The following NFAT5 variants were observed in gnomAD, a reference collection of about 807,000 sequenced individuals.
The protein encoded by NFAT5 is nuclear factor of activated T-cells 5.
NFAT5 carries 31 observed loss-of-function variants against 166.5 expected under a neutral mutation model. The observed-to-expected ratio is 0.19, with a 90% CI of 0.14 to 0.25. The LOEUF (loss-of-function observed/expected upper bound fraction) is 0.25. Among genes scored for constraint, NFAT5 ranks in the 10% least tolerant of loss-of-function variants. The pLI is 1.00. For missense variants in NFAT5, 1,449 were observed against 1,821.8 expected (o/e 0.80, Z 3.72); for synonymous variants, 612 against 639.7 (o/e 0.96, Z 0.65).
In NFAT5 at chr16:69,684,997, C is replaced by T. The variant is rs759664417; in HGVS notation, c.1774+27C>T. 3.0e-5 allele frequency: 46 copies of T among 1,520,202 alleles called. No individual in the cohort carries two copies. The Admixed American group carries it at 7.1e-4, about 23-fold the overall frequency. The allele number at this position is 1,520,202 out of a possible 1,614,324, so 94.2% of individuals were successfully genotyped here. ...TACCAAGTAAATTCTTCTCAAAAAT[C>T]GTAATTGGGTGCTCCTGTATGTTTT... On this transcript the variant is annotated intron_variant, in intron 11 of 14. Transcript: ENST00000349945.
chr16:69,653,149 C>T, intron 4 of NFAT5, 87 bp from the exon 5 acceptor site: 1 of 876,018 alleles, frequency 1.1e-6, no homozygotes. Context: ...ATTGCCAGTT[C>T]TGTTTCTTCC....
chr16:69,641,786 A>G (rs963053418), intron 3 of NFAT5, among the ~76,000 whole-genome samples: 2 of 152,152 alleles, frequency 1.3e-5, no homozygotes, highest in Non-Finnish European at 2.9e-5. Context: ...ATGGGTTTCT[A>G]TAAATGGTAT....
intron 7 of NFAT5, among the ~76,000 whole-genome samples, chr16:69,663,639 G>A (rs2036243592): frequency 6.6e-6 from 1 of 151,626 alleles, no homozygotes; most frequent in African/African-American, 2.4e-5. Context: ...GGAGGGCGAG[G>A]TAGGAAGATT....
intron 1 of NFAT5, among the ~76,000 whole-genome samples, chr16:69,568,028 G>C (rs2016179882): frequency 6.6e-6 from 1 of 152,174 alleles, no homozygotes; most frequent in African/African-American, 2.4e-5. Flanking sequence ...ATACACTGCA[G>C]TTGGCCGGGC....
chr16:69,585,366 G>C (rs2031989061), intron 2 of NFAT5, among the ~76,000 whole-genome samples: 1 of 151,478 alleles, frequency 6.6e-6, no homozygotes, highest in African/African-American at 2.4e-5. Flanking sequence ...TTTTCTTCAT[G>C]CATTGCTGGT....
At chr16:69,694,492 TG>T (rs1398643319) in intron 13 of NFAT5, among the ~76,000 whole-genome samples, 2 of 152,180 alleles carry the variant, frequency 1.3e-5, no homozygotes, top group African/African-American at 4.8e-5. Context: ...TGACCTCAAG[TG>T]ATCCGCTGGC....
intron 11 of NFAT5, among the ~76,000 whole-genome samples, chr16:69,689,359 T>C (rs2037457824): frequency 6.6e-6 from 1 of 152,308 alleles, no homozygotes; most frequent in East Asian, 1.9e-4. Context: ...AAAGAACTCA[T>C]GAATAAATGA....
chr16:69,625,191 T>TG (rs1481985339), intron 2 of NFAT5, among the ~76,000 whole-genome samples: 10 of 152,096 alleles, frequency 6.6e-5, no homozygotes, highest in Non-Finnish European at 1.2e-4. Context: ...GCATGACCAT[T>TG]GTGCCTAGCT....
chr16:69,569,539 G>A (rs546439767), intron 2 of NFAT5, among the ~76,000 whole-genome samples: 31 of 152,252 alleles, frequency 2.0e-4, no homozygotes, highest in Admixed American at 1.8e-3. Flanking sequence ...AGTGGGTTTT[G>A]TAGTTGAGCT....
chr16:69,577,446 A>G (rs2016822487), intron 2 of NFAT5, among the ~76,000 whole-genome samples: 1 of 152,240 alleles, frequency 6.6e-6, no homozygotes, highest in African/African-American at 2.4e-5. Flanking sequence ...ATAGGAATCT[A>G]TAAAAGAACA....
chr16:69,661,508 C>CACTCCAGCCTGTAT (rs1234550572), intron 7 of NFAT5, among the ~76,000 whole-genome samples: 15 of 124,262 alleles, frequency 1.2e-4, no homozygotes, highest in African/African-American at 4.4e-4. Flanking sequence ...CACACCACTG[C>CACTCCAGCCTGTAT]ACTCCAGCCT....
At chr16:69,639,816 AAG>A (rs10560603) in intron 3 of NFAT5, among the ~76,000 whole-genome samples, 2,821 of 152,280 alleles carry the variant, frequency 0.019, 93 homozygotes, top group African/African-American at 0.06. Context: ...AAACACCTGA[AAG>A]AGAGAATTCT....
At chr16:69,639,770 C>T (rs565907500) in intron 3 of NFAT5, among the ~76,000 whole-genome samples, 61 of 152,166 alleles carry the variant, frequency 4.0e-4, no homozygotes, top group Admixed American at 2.5e-3. Flanking sequence ...TCTTCTTCCA[C>T]GCTTCAAAAG....
At chr16:69,587,835 A>G (rs1465863049) in intron 2 of NFAT5, among the ~76,000 whole-genome samples, 1 of 152,092 alleles carries the variant, frequency 6.6e-6, no homozygotes, top group Non-Finnish European at 1.5e-5. Context: ...ATTAATCTTA[A>G]CCAGTACATT....
chr16:69,693,629 G>T lies in NFAT5; in HGVS notation c.3804G>T (p.Gln1268His). The T allele has an allele frequency of 6.2e-7, 1 of 1,608,702 alleles. No homozygotes were observed. The highest frequency in any genetic ancestry group is 8.5e-7 in the Non-Finnish European group (1 of 1,176,302). ...AMQSNSPSQE[Q>H]QQQQQQQQQQ... ...AGAGTAACTCTCCATCCCAGGAACA[G>T]CAGCAGCAGCAGCAACAGCAGCAGC... is the stretch of plus-strand genomic sequence containing the variant. The change falls in exon 13 of 15, where the codon CAG becomes CAT. Residue 1268 changes from glutamine (Q) to histidine (H), a missense_variant. This residue lies in a region of NFAT5 where 891 missense variants were observed against 993.0 expected (regional missense o/e 0.90). Transcript: ENST00000349945.
intron 1 of NFAT5, among the ~76,000 whole-genome samples, 180 bp from the exon 2 acceptor site, chr16:69,568,315 C>T (rs1258988783): frequency 2.2e-5 from 3 of 138,326 alleles, no homozygotes; most frequent in Non-Finnish European, 1.6e-5. Flanking sequence ...AACGAAACTC[C>T]GTTTCAAAAT....
chr16:69,573,073 C>A (rs1194926901), intron 2 of NFAT5, among the ~76,000 whole-genome samples: 1 of 152,186 alleles, frequency 6.6e-6, no homozygotes, highest in East Asian at 1.9e-4. Context: ...GATCCCTTGA[C>A]CTCATGATCC....
chr16:69,575,412 C>T (rs1017750384), intron 2 of NFAT5, among the ~76,000 whole-genome samples: 1 of 152,158 alleles, frequency 6.6e-6, no homozygotes, highest in Admixed American at 6.6e-5. Context: ...AGGTGATCCG[C>T]CCGCCTCAGC....
intron 2 of NFAT5, among the ~76,000 whole-genome samples, chr16:69,582,389 C>G (rs7190652): frequency 0.22 from 33,295 of 151,834 alleles, 3,954 homozygotes; most frequent in East Asian, 0.45. Context: ...TTTATTTTTT[C>G]TTTGTTGCTC....
Sources: gnomAD v4.1 joint callset for allele counts (sites outside exome capture counted in the v4.1 genomes callset) on GRCh38, gnomAD v4.1.1 for gene constraint, gnomAD v4.1.1 regional missense constraint, MANE v1.5 for transcripts, NCBI Gene and HGNC (gene_info 2026-07-23, HGNC 2026-07-21) for gene names.